The following GALNTL6 variants were observed in gnomAD, a reference collection of about 807,000 sequenced individuals.
GALNTL6 encodes the protein polypeptide N-acetylgalactosaminyltransferase-like 6.
GALNTL6 carries 46 observed loss-of-function variants against 73.7 expected under a neutral mutation model. The ratio of observed to expected loss-of-function variants is 0.62; its 90% CI spans 0.49 to 0.80. The LOEUF (loss-of-function observed/expected upper bound fraction) is 0.80, where lower values mean the gene tolerates loss of function less well. GALNTL6 is among the 30% of genes least tolerant of loss of function. The probability of loss-of-function intolerance (pLI) is 0.00; values close to 1 mark genes in which losing one functional copy is unlikely to be tolerated. For synonymous variants in GALNTL6, 259 were observed against 263.7 expected (o/e 0.98, Z 0.17); for missense variants, 604 against 755.0 (o/e 0.80, Z 2.34).
chr4:172,375,492 G>A (rs1742994138), intron 5 of GALNTL6, among the ~76,000 whole-genome samples: 1 of 152,032 alleles, frequency 6.6e-6, no homozygotes, highest in Non-Finnish European at 1.5e-5. Context: ...CCCCAGTTTT[G>A]GTTTGTTTGT....
intron 5 of GALNTL6, among the ~76,000 whole-genome samples, chr4:172,417,935 T>C (rs1226521677): frequency 6.6e-6 from 1 of 152,166 alleles, no homozygotes; most frequent in Non-Finnish European, 1.5e-5. Context: ...ATTACTCAAG[T>C]TTTTTTGAGT....
At chr4:172,317,394 T>C (rs1308898464) in intron 4 of GALNTL6, among the ~76,000 whole-genome samples, 1 of 152,190 alleles carries the variant, frequency 6.6e-6, no homozygotes, top group Non-Finnish European at 1.5e-5. Context: ...TTATTAAAAT[T>C]GGGGCAAGGT....
At chr4:171,842,089 T>A (rs746476416) in intron 2 of GALNTL6, among the ~76,000 whole-genome samples, 1 of 152,246 alleles carries the variant, frequency 6.6e-6, no homozygotes, top group South Asian at 2.1e-4. Context: ...AGACAAATAA[T>A]CTTTTCACGT....
chr4:172,781,207 C>T (rs937234246), intron 5 of GALNTL6, among the ~76,000 whole-genome samples: 4 of 152,064 alleles, frequency 2.6e-5, no homozygotes, highest in African/African-American at 9.7e-5. Context: ...AAATGCTACC[C>T]AGAAATTGAT....
chr4:172,586,480 A>G (rs1737414336), intron 5 of GALNTL6, among the ~76,000 whole-genome samples: 1 of 152,082 alleles, frequency 6.6e-6, no homozygotes, highest in Non-Finnish European at 1.5e-5. Context: ...ATTCAGAAAA[A>G]AAAAAAAAAA....
chr4:172,931,737 C>G (rs1748351142), intron 9 of GALNTL6, among the ~76,000 whole-genome samples: 1 of 152,200 alleles, frequency 6.6e-6, no homozygotes, highest in Admixed American at 6.5e-5. Flanking sequence ...TCTTTCATAA[C>G]TAGGGCCAGC....
chr4:172,758,758 C>T (rs1304179641), intron 5 of GALNTL6, among the ~76,000 whole-genome samples: 2 of 152,188 alleles, frequency 1.3e-5, no homozygotes, highest in Non-Finnish European at 2.9e-5. Flanking sequence ...CATGAATCAT[C>T]CCTTGGTCCA....
At chr4:172,450,561 T>A (rs1213558215) in intron 5 of GALNTL6, among the ~76,000 whole-genome samples, 1 of 152,232 alleles carries the variant, frequency 6.6e-6, no homozygotes, top group Non-Finnish European at 1.5e-5. Flanking sequence ...CACCAGCATA[T>A]GTCACCTCCT....
intron 5 of GALNTL6, among the ~76,000 whole-genome samples, chr4:172,634,358 T>G (rs993469596): frequency 1.3e-5 from 2 of 152,060 alleles, no homozygotes. Context: ...AACTGAAAAT[T>G]TTTATATAAA....
intron 2 of GALNTL6, among the ~76,000 whole-genome samples, chr4:171,978,223 T>C (rs1026985122): frequency 6.6e-6 from 1 of 151,702 alleles, no homozygotes; most frequent in Non-Finnish European, 1.5e-5. Context: ...CATTTTAAAA[T>C]ATTCTAGGAA....
chr4:172,360,701 T>C (rs571485088), intron 5 of GALNTL6, among the ~76,000 whole-genome samples: 1 of 152,262 alleles, frequency 6.6e-6, no homozygotes, highest in South Asian at 2.1e-4. Context: ...TTCTGTGCAG[T>C]CGATGTTGCA....
chr4:172,364,945 T>C (rs1456349201), intron 5 of GALNTL6, among the ~76,000 whole-genome samples: 2 of 152,316 alleles, frequency 1.3e-5, no homozygotes, highest in East Asian at 3.9e-4. Context: ...ATGTAGACTA[T>C]AAGTTCCATA....
chr4:172,477,582 CT>C (rs955739845), intron 5 of GALNTL6, among the ~76,000 whole-genome samples: 5 of 152,192 alleles, frequency 3.3e-5, no homozygotes, highest in Admixed American at 1.3e-4. Flanking sequence ...AAAGACTTAA[CT>C]GGCTGGCTGT....
chr4:172,027,293 C>G (rs1186860447), intron 2 of GALNTL6, among the ~76,000 whole-genome samples: 1 of 152,138 alleles, frequency 6.6e-6, no homozygotes, highest in African/African-American at 2.4e-5. Context: ...CATAATTATT[C>G]CAACAGCATG....
At chr4:172,496,477 A>T (rs190550432) in intron 5 of GALNTL6, among the ~76,000 whole-genome samples, 1 of 152,174 alleles carries the variant, frequency 6.6e-6, no homozygotes, top group East Asian at 1.9e-4. Flanking sequence ...ATCGCTTGGG[A>T]CCAGGAGTTC....
intron 3 of GALNTL6, among the ~76,000 whole-genome samples, chr4:172,287,741 T>C (rs567675612): frequency 8.5e-5 from 13 of 152,270 alleles, no homozygotes; most frequent in Non-Finnish European, 1.6e-4. Flanking sequence ...CTCCTGGAAG[T>C]GGCAGATAGT....
chr4:172,779,008 T>TACACACAC (rs36125820), intron 5 of GALNTL6, among the ~76,000 whole-genome samples: 1 of 150,292 alleles, frequency 6.7e-6, no homozygotes, highest in African/African-American at 2.4e-5. Context: ...CACACTCCCA[T>TACACACAC]ACACACACAC....
intron 10 of GALNTL6, among the ~76,000 whole-genome samples, chr4:172,978,155 G>A (rs1307454564): frequency 6.6e-6 from 1 of 152,134 alleles, no homozygotes; most frequent in Admixed American, 6.5e-5. Context: ...TGAGCAAAGG[G>A]TCAGTCTGAG....
intron 5 of GALNTL6, among the ~76,000 whole-genome samples, chr4:172,395,755 A>T (rs1459839793): frequency 6.6e-6 from 1 of 152,200 alleles, no homozygotes; most frequent in African/African-American, 2.4e-5. Flanking sequence ...AGGAGAGTAA[A>T]TAGCAAAGTT....
Sources: gnomAD v4.1 joint callset for allele counts (sites outside exome capture counted in the v4.1 genomes callset) on GRCh38, gnomAD v4.1.1 for gene constraint, MANE v1.5 for transcripts, NCBI Gene and HGNC (gene_info 2026-07-23, HGNC 2026-07-21) for gene names.